Variants in ENOX2 observed in about 807,000 individuals in gnomAD.
ENOX2 encodes ecto-NOX disulfide-thiol exchanger 2, also known as APK1 antigen.
ENOX2 carries 36 observed loss-of-function variants against 45.0 expected under a neutral mutation model. That is an observed-to-expected ratio of 0.80 (90% CI 0.61 to 1.06). ENOX2 has a LOEUF of 1.06. Among genes scored for constraint, ENOX2 ranks in the 50% least tolerant of loss-of-function variants. The probability of loss-of-function intolerance (pLI) is 0.00; values close to 1 mark genes in which losing one functional copy is unlikely to be tolerated. For synonymous variants in ENOX2, 174 were observed against 152.3 expected, an observed-to-expected ratio of 1.14 and a Z score of -1.05; for missense variants, 423 against 462.5, an observed-to-expected ratio of 0.91 and a Z score of 0.78.
At chrX:130,849,551 A>G (rs1323193128) in intron 2 of ENOX2, among the ~76,000 whole-genome samples, 1 of 112,376 alleles carries the variant, frequency 8.9e-6, no homozygotes, top group Non-Finnish European at 1.9e-5. Flanking sequence ...GAAGAGAAGA[A>G]GTGTTGTCAA....
intron 14 of ENOX2, among the ~76,000 whole-genome samples, chrX:130,625,959 C>T (rs756552450): frequency 1.0e-4 from 11 of 110,155 alleles, no homozygotes; most frequent in Middle Eastern, 4.6e-3. Context: ...CCCCTCAATA[C>T]GAAAACAAAA....
chrX:130,695,420 C>T (rs1330025096), intron 4 of ENOX2, among the ~76,000 whole-genome samples: 3 of 110,981 alleles, frequency 2.7e-5, no homozygotes, highest in Non-Finnish European at 3.8e-5. Context: ...AGAACTGGAC[C>T]CTGGTTCTTA....
intron 4 of ENOX2, among the ~76,000 whole-genome samples, chrX:130,689,747 T>C (rs2037542882): frequency 8.9e-6 from 1 of 112,010 alleles, no homozygotes; most frequent in African/African-American, 3.3e-5. Context: ...ATAGGTTCTA[T>C]ACCTGTTACC....
intron 2 of ENOX2, among the ~76,000 whole-genome samples, chrX:130,829,336 T>A (rs1255834388): frequency 3.6e-5 from 4 of 111,821 alleles, no homozygotes; most frequent in Non-Finnish European, 7.5e-5. Context: ...AACTATCAGA[T>A]AAATATTACT....
rs763974443 is a variant in ENOX2, at chrX:130,667,742, T to A, written c.695A>T (p.Asp232Val). 8.5e-7 allele frequency: 1 copy of A among 1,182,291 alleles called. No homozygotes were observed. The highest frequency in any genetic ancestry group is 1.8e-5 in the South Asian group (1 of 54,225). Residue 232 changes from aspartate to valine, a missense_variant and splice_region_variant, in exon 8 of 15, where the codon GAT becomes GTT. Around this residue, in one of 5 missense-constraint regions of ENOX2, gnomAD observed 261 missense variants for 306.8 expected, o/e 0.85. Coordinates refer to ENST00000394363, the MANE Select transcript of ENOX2 (RefSeq NM_006375.4). The part of the protein sequence containing the change: ...ECSIVAEKLK[D>V]DSKFSEAVQT... ...TACAGCTTCTGAGAATTTGGAATCA[T>A]CTGAAAAAAATATATTTTTATAACC...
chrX:130,744,485 G>A (rs1025615548), intron 3 of ENOX2, among the ~76,000 whole-genome samples: 7 of 111,879 alleles, frequency 6.3e-5, no homozygotes, highest in Admixed American at 1.9e-4. Context: ...TAGATATGTG[G>A]AAGTTTTGAA....
At chrX:130,642,667 C>A (rs182317367) in intron 10 of ENOX2, among the ~76,000 whole-genome samples, 10 of 111,924 alleles carry the variant, frequency 8.9e-5, no homozygotes, top group African/African-American at 3.2e-4. Context: ...GTCACATCAA[C>A]CTTCAGCAAC....
At chrX:130,725,799 T>C in intron 3 of ENOX2, among the ~76,000 whole-genome samples, 1 of 111,558 alleles carries the variant, frequency 9.0e-6, no homozygotes, top group Middle Eastern at 4.6e-3. Flanking sequence ...CTAGAGGTGA[T>C]AGCTACAGCA....
intron 12 of ENOX2, among the ~76,000 whole-genome samples, chrX:130,633,703 G>T (rs377559291): frequency 3.6e-5 from 4 of 112,419 alleles, no homozygotes; most frequent in Admixed American, 9.4e-5. Flanking sequence ...CAATCCTGAA[G>T]AGTAATTCTA....
intron 2 of ENOX2, among the ~76,000 whole-genome samples, chrX:130,860,680 T>C (rs915179743): frequency 9.0e-6 from 1 of 111,508 alleles, no homozygotes; most frequent in African/African-American, 3.3e-5. Context: ...CTCCTTTCCA[T>C]TGAACAGTTT....
intron 3 of ENOX2, among the ~76,000 whole-genome samples, chrX:130,765,090 GGCTACATA>G (rs2039585940): frequency 9.0e-6 from 1 of 111,036 alleles, no homozygotes; most frequent in Non-Finnish European, 1.9e-5. Context: ...AAAAGCATTG[GGCTACATA>G]CTTTATGAAT....
intron 3 of ENOX2, among the ~76,000 whole-genome samples, chrX:130,716,137 G>A (rs1327532241): frequency 9.0e-6 from 1 of 110,935 alleles, no homozygotes; most frequent in Non-Finnish European, 1.9e-5. Context: ...TAAAAGTCAT[G>A]GCAAAAATGG....
chrX:130,690,447 C>T (rs1451417795), intron 4 of ENOX2, among the ~76,000 whole-genome samples: 2 of 112,357 alleles, frequency 1.8e-5, no homozygotes, highest in East Asian at 5.6e-4. Context: ...GAAGGGAGTG[C>T]ACTTTACTTC....
intron 3 of ENOX2, among the ~76,000 whole-genome samples, chrX:130,759,467 C>T (rs1419834645): frequency 9.3e-6 from 1 of 107,950 alleles, no homozygotes; most frequent in African/African-American, 3.4e-5. Flanking sequence ...TGGCGTGTGC[C>T]TGCAATCCCA....
Position 130,719,961 on chromosome X carries a change from AAAGG to A in ENOX2, c.-38-16711_-38-16708del, listed in dbSNP as rs993755326. ...AAGGGTAAAAATTAGACTTGCAAAC[AAAGG>A]AAGGAAGAGAAACAAAAGAGATGTG... is the stretch of plus-strand genomic sequence containing the variant. On this transcript the variant is annotated intron_variant, in intron 3 of 14. Coordinates refer to ENST00000394363, the MANE Select transcript of ENOX2 (RefSeq NM_006375.4). 5.3e-5 allele frequency among the ~76,000 whole-genome samples: 6 copies of A among 112,291 alleles called. No homozygotes were observed. In the East Asian group the frequency reaches 1.1e-3, roughly 21 times the overall value.
intron 3 of ENOX2, among the ~76,000 whole-genome samples, chrX:130,760,545 T>C (rs1412033856): frequency 9.1e-6 from 1 of 109,621 alleles, no homozygotes; most frequent in Non-Finnish European, 1.9e-5. Flanking sequence ...CCCAGCACTT[T>C]AGGAGGCTGA....
chrX:130,788,489 A>T (rs1410353729), intron 2 of ENOX2, among the ~76,000 whole-genome samples: 3 of 111,745 alleles, frequency 2.7e-5, no homozygotes, highest in Non-Finnish European at 5.6e-5. Context: ...CTGGGCTCCC[A>T]GGCATTCAGC....
chrX:130,875,958 T>C (rs1431819285), intron 2 of ENOX2, among the ~76,000 whole-genome samples: 1 of 112,025 alleles, frequency 8.9e-6, no homozygotes, highest in Non-Finnish European at 1.9e-5. Context: ...ATAATAAGTG[T>C]TGACAAGATT....
Position 130,863,474 on chromosome X carries a change from GC to G in ENOX2, c.-183+38209del, listed in dbSNP as rs759010488. Among the ~76,000 whole-genome samples, 49 of 112,177 alleles carry G rather than the reference GC, an allele frequency of 4.4e-4. 1 individual carries two copies. The highest frequency in any genetic ancestry group is 3.8e-3 in the Admixed American group (40 of 10,598). On this transcript the variant is annotated intron_variant, in intron 2 of 14. Coordinates refer to ENST00000394363, the MANE Select transcript of ENOX2 (RefSeq NM_006375.4). ...GATGAATAAAACACTTTTCTCTCTT[GC>G]CTTAATCCTTTCTTACTCTCTGTAG...
Sources: allele counts gnomAD v4.1 joint callset (sites outside exome capture counted in the v4.1 genomes callset), GRCh38; gene constraint gnomAD v4.1.1; regional missense constraint gnomAD v4.1.1; transcripts MANE v1.5; gene names NCBI Gene and HGNC (gene_info 2026-07-23, HGNC 2026-07-21).